Variants in MEOX2 observed in about 807,000 individuals in gnomAD.
The protein encoded by MEOX2 is homeobox protein MOX-2.
In MEOX2, 11 loss-of-function variants were observed where a neutral mutation model predicts 27.0. The ratio of observed to expected loss-of-function variants is 0.41; its 90% CI spans 0.26 to 0.68. The LOEUF (loss-of-function observed/expected upper bound fraction) is 0.68, where lower values mean the gene tolerates loss of function less well. Ranked by LOEUF, MEOX2 falls within the 30% of genes least tolerant of loss-of-function variation. The pLI, the probability that MEOX2 is intolerant of heterozygous loss-of-function variation, is 0.33. For missense variants in MEOX2, 436 were observed against 385.4 expected (o/e 1.13, Z -1.10); for synonymous variants, 189 against 155.4 (o/e 1.22, Z -1.61).
chr7:15,634,049 T>G (rs573863808), intron 1 of MEOX2, among the ~76,000 whole-genome samples: 1 of 151,936 alleles, frequency 6.6e-6, no homozygotes, highest in Admixed American at 6.6e-5. Context: ...CAAGTAATGT[T>G]ATCTTCATTC....
At chr7:15,614,277 A>G (rs1781086832) in intron 2 of MEOX2, among the ~76,000 whole-genome samples, 1 of 151,334 alleles carries the variant, frequency 6.6e-6, no homozygotes, top group South Asian at 2.1e-4. Flanking sequence ...GGTGGGTGGG[A>G]TGGCATAGTG....
intron 1 of MEOX2, among the ~76,000 whole-genome samples, chr7:15,659,184 G>T (rs955379511): frequency 6.6e-6 from 1 of 151,998 alleles, no homozygotes; most frequent in African/African-American, 2.4e-5. Flanking sequence ...TTTATTTATT[G>T]TTTTTGTAGA....
At chr7:15,615,559 G>A (rs1261335293) in intron 2 of MEOX2, among the ~76,000 whole-genome samples, 5 of 151,878 alleles carry the variant, frequency 3.3e-5, no homozygotes, top group Admixed American at 2.6e-4. Context: ...AGGTAATTAC[G>A]CTACTGAGTT....
chr7:15,633,706 T>C (rs1216165436), intron 1 of MEOX2, among the ~76,000 whole-genome samples: 2 of 151,928 alleles, frequency 1.3e-5, no homozygotes, highest in Non-Finnish European at 2.9e-5. Flanking sequence ...CGCTTTAATG[T>C]ATTTTTAAGC....
At chr7:15,639,075 A>C (rs894740657) in intron 1 of MEOX2, among the ~76,000 whole-genome samples, 1 of 152,102 alleles carries the variant, frequency 6.6e-6, no homozygotes, top group Admixed American at 6.6e-5. Context: ...ATAGGATATA[A>C]GCTAATTTAC....
intron 1 of MEOX2, among the ~76,000 whole-genome samples, chr7:15,650,611 G>T (rs1046610214): frequency 6.6e-6 from 1 of 151,966 alleles, no homozygotes; most frequent in African/African-American, 2.4e-5. Flanking sequence ...ACTGTGCAGG[G>T]CACAAAGATA....
chr7:15,663,174 C>T (rs1781943931), intron 1 of MEOX2, among the ~76,000 whole-genome samples: 1 of 152,100 alleles, frequency 6.6e-6, no homozygotes. Flanking sequence ...CCACAAATAA[C>T]ATTTTATTTT....
intron 1 of MEOX2, among the ~76,000 whole-genome samples, chr7:15,648,580 T>TCCAC (rs2115375429): frequency 6.6e-6 from 1 of 152,126 alleles, no homozygotes; most frequent in South Asian, 2.1e-4. Context: ...TAAAACTGTC[T>TCCAC]CCACATTCCA....
At chr7:15,661,861 G>C (rs552494899) in intron 1 of MEOX2, among the ~76,000 whole-genome samples, 55 of 152,236 alleles carry the variant, frequency 3.6e-4, no homozygotes, top group Admixed American at 7.2e-4. Context: ...TGACTGGCTG[G>C]GGTGGCAAAC....
chr7:15,667,728 C>T (rs1281449929), intron 1 of MEOX2, among the ~76,000 whole-genome samples: 1 of 152,100 alleles, frequency 6.6e-6, no homozygotes, highest in Non-Finnish European at 1.5e-5. Flanking sequence ...TACTAATGTG[C>T]TTCCTAAGGT....
chr7:15,665,188 T>G (rs969428741), intron 1 of MEOX2, among the ~76,000 whole-genome samples: 2 of 152,006 alleles, frequency 1.3e-5, no homozygotes, highest in East Asian at 3.9e-4. Context: ...TGATTCAATA[T>G]CATCAAATCT....
chr7:15,625,803 G>A (rs1370854914), intron 2 of MEOX2, among the ~76,000 whole-genome samples: 1 of 152,010 alleles, frequency 6.6e-6, no homozygotes, highest in Non-Finnish European at 1.5e-5. Context: ...GAATTCACTG[G>A]GAACACTGTT....
intron 1 of MEOX2, among the ~76,000 whole-genome samples, chr7:15,650,088 T>C (rs1355698379): frequency 6.6e-6 from 1 of 152,078 alleles, no homozygotes; most frequent in Non-Finnish European, 1.5e-5. Flanking sequence ...TTCTCACCAG[T>C]CCAGCTCTTC....
At chr7:15,634,333 C>T (rs1781450258) in intron 1 of MEOX2, among the ~76,000 whole-genome samples, 1 of 151,810 alleles carries the variant, frequency 6.6e-6, no homozygotes, top group Non-Finnish European at 1.5e-5. Flanking sequence ...TTAGAACATC[C>T]CTGGCTTCTA....
chr7:15,684,256 G>A lies in MEOX2; in HGVS notation c.517+1630C>T, dbSNP rs532343951. On this transcript the variant is annotated intron_variant, in intron 1 of 2. Transcript: ENST00000262041. ...AGAGTACGCTCATCAACCCGAACTG[G>A]GATCTGCTTCCAAAGTTACACTGAT... is the stretch of plus-strand genomic sequence containing the variant. Among the ~76,000 whole-genome samples, 3 of 152,148 alleles carry A rather than the reference G, an allele frequency of 2.0e-5. No homozygotes were observed. The East Asian group carries it at 5.8e-4, about 29-fold the overall frequency.
At chr7:15,636,744 T>A (rs1466760355) in intron 1 of MEOX2, among the ~76,000 whole-genome samples, 2 of 152,066 alleles carry the variant, frequency 1.3e-5, no homozygotes, top group Non-Finnish European at 2.9e-5. Flanking sequence ...TAATTTATTT[T>A]AAAAAACCAG....
rs192444224 is a variant in MEOX2 at position 15,614,537 on chromosome 7, A to T, written c.691-1926T>A. On this transcript the variant is annotated intron_variant, in intron 2 of 2. Transcript: ENST00000262041. ...TTTTAAATGGATAACACATTGTCCCAGGTCCATTTATTAAATAACCCAGCT... is the reference window on the plus strand; with the variant it reads ...TTTTAAATGGATAACACATTGTCCCTGGTCCATTTATTAAATAACCCAGCT... Among the ~76,000 whole-genome samples, 234 of 152,306 alleles carry T rather than the reference A, an allele frequency of 1.5e-3. 2 individuals are homozygous for T. The highest frequency in any genetic ancestry group is 5.2e-3 in the African/African-American group (218 of 41,574).
intron 1 of MEOX2, among the ~76,000 whole-genome samples, chr7:15,663,954 G>C (rs1475049929): frequency 6.6e-6 from 1 of 152,206 alleles, no homozygotes; most frequent in African/African-American, 2.4e-5. Context: ...CAGACAGATA[G>C]ATGATAGATA....
At chr7:15,662,256 G>A (rs923351186) in intron 1 of MEOX2, among the ~76,000 whole-genome samples, 16 of 151,890 alleles carry the variant, frequency 1.1e-4, no homozygotes, top group Admixed American at 8.5e-4. Context: ...CTTCAAATAA[G>A]AATGTAATAT....
Sources: allele counts gnomAD v4.1 joint callset (sites outside exome capture counted in the v4.1 genomes callset), GRCh38; gene constraint gnomAD v4.1.1; transcripts MANE v1.5; gene names NCBI Gene and HGNC (gene_info 2026-07-23, HGNC 2026-07-21).